Variants in SLC13A1 observed in about 807,000 individuals in gnomAD.
The protein encoded by SLC13A1 is Na(+)/sulfate cotransporter.
A neutral mutation model predicts 70.0 loss-of-function variants in SLC13A1; 65 were observed. The ratio of observed to expected loss-of-function variants is 0.93; its 90% CI spans 0.76 to 1.14. SLC13A1 has a LOEUF of 1.14. SLC13A1 is among the 50% of genes most tolerant of loss of function. SLC13A1 has a pLI of 0.00. For synonymous variants in SLC13A1, 275 were observed against 250.5 expected (o/e 1.10, Z -0.92); for missense variants, 726 against 717.8 (o/e 1.01, Z -0.13).
chr7:123,191,329 T>G (rs1795990172), intron 1 of SLC13A1, among the ~76,000 whole-genome samples: 1 of 152,170 alleles, frequency 6.6e-6, no homozygotes. Context: ...CTTCACAGGT[T>G]TGAGAAAACC....
At chr7:123,159,571 C>T (rs576630494) in intron 6 of SLC13A1, among the ~76,000 whole-genome samples, 1 of 152,112 alleles carries the variant, frequency 6.6e-6, no homozygotes, top group South Asian at 2.1e-4. Context: ...AGACACAGTT[C>T]TGTACTATTT....
intron 1 of SLC13A1, among the ~76,000 whole-genome samples, chr7:123,182,911 TG>T (rs1169247331): frequency 2.0e-5 from 3 of 152,174 alleles, no homozygotes; most frequent in East Asian, 3.9e-4. Flanking sequence ...ATCCTCATTT[TG>T]CATTCAAACC....
chr7:123,177,949 G>A (rs933588979), intron 2 of SLC13A1, among the ~76,000 whole-genome samples: 1 of 151,326 alleles, frequency 6.6e-6, no homozygotes, highest in Non-Finnish European at 1.5e-5. Context: ...TCCCTGGCAG[G>A]GTACTACCAT....
Position 123,196,907 on chromosome 7 carries a change from A to T in SLC13A1, c.99+2941T>A, listed in dbSNP as rs17145526. Among the ~76,000 whole-genome samples the T allele has an allele frequency of 9.1e-3, 1,379 of 152,224 alleles. 20 individuals carry two copies. The highest frequency in any genetic ancestry group is 0.031 in the African/African-American group (1,281 of 41,544). On this transcript the variant is annotated intron_variant, in intron 1 of 14. Transcript: ENST00000194130. The stretch of plus-strand genomic sequence containing the variant: ...TGAGTTCTGACAGGATCCAAGCTCA[A>T]ATTTACTTTCTAGAGCATGTAGATG...
rs1290852653 is a variant in SLC13A1 at position 123,168,511 on chromosome 7, C to A, written c.604G>T (p.Val202Phe). 6.2e-7 allele frequency: 1 copy of A among 1,610,546 alleles called. No individual in the cohort carries two copies. Among genetic ancestry groups the A allele is most frequent in the Admixed American group, 1.7e-5 (1 of 59,948 alleles). Residue 202 changes from valine to phenylalanine, a missense_variant, in exon 5 of 15, where the codon GTT becomes TTT. Transcript: ENST00000194130. ...AATGTCAGTATTCCTTACCCTGGAACTGGTTTTGTTTTCTCTTTCCTCTCA... is the reference window on the plus strand; with the variant it reads ...AATGTCAGTATTCCTTACCCTGGAAATGGTTTTGTTTTCTCTTTCCTCTCA... ...INERKEKTKP[V>F]PGYNNDTGKI...
rs765249029 is a variant in SLC13A1 at position 123,169,300 on chromosome 7, A to T, written c.401T>A (p.Leu134Ter). Residue 134 changes from leucine (L) to a stop codon, truncating the protein, a stop_gained, in exon 4 of 15, where the codon TTG (leucine) becomes TAG (stop). Transcript: ENST00000194130. LOFTEE classifies it high-confidence loss of function. ...CGAGGTGTTGCTGAGCCACATAGACAAAAAGGCAGTGCTGCTCATGAACCC... is the reference window on the plus strand; with the variant it reads ...CGAGGTGTTGCTGAGCCACATAGACTAAAAGGCAGTGCTGCTCATGAACCC... ...TLGFMSSTAF[L>*]SMWLSNTSTA... is the part of the protein sequence containing the mutation. The T allele has an allele frequency of 6.2e-7, 1 of 1,613,456 alleles. No individual in the cohort carries two copies.
At chr7:123,179,940 G>A (rs1278538746) in intron 2 of SLC13A1, among the ~76,000 whole-genome samples, 1 of 152,010 alleles carries the variant, frequency 6.6e-6, no homozygotes, top group Non-Finnish European at 1.5e-5. Flanking sequence ...AAGCCATATA[G>A]CATGTTTAAG....
intron 7 of SLC13A1, among the ~76,000 whole-genome samples, chr7:123,140,846 T>C (rs1236953956): frequency 1.3e-5 from 2 of 152,116 alleles, no homozygotes; most frequent in East Asian, 3.8e-4. Flanking sequence ...GATTTGCCAA[T>C]TTTGTTTAAC....
At chr7:123,130,983 C>G (rs1052594457) in intron 8 of SLC13A1, among the ~76,000 whole-genome samples, 6 of 152,072 alleles carry the variant, frequency 3.9e-5, no homozygotes. Flanking sequence ...AGAGGAAGAA[C>G]TAAATGAAAA....
intron 6 of SLC13A1, among the ~76,000 whole-genome samples, chr7:123,163,263 T>A (rs943952328): frequency 6.6e-6 from 1 of 152,078 alleles, no homozygotes; most frequent in Non-Finnish European, 1.5e-5. Flanking sequence ...CTTCTCCCAG[T>A]ATCTTTTCTT....
At position 123,171,808 on chromosome 7, in the gene SLC13A1, C is replaced by T. The variant is rs756775766; in HGVS notation, c.325G>A (p.Ala109Thr). Residue 109 changes from alanine to threonine, a missense_variant, in exon 3 of 15, where the codon GCT becomes ACT. Ala to Thr is a moderately conservative substitution (Grantham distance 58). Transcript: ENST00000194130. ...CCAACCATCATCACCATTTTCAGAG[C>T]AATTCTCTTGTGCAAATTCCATTTT... is the stretch of plus-strand genomic sequence containing the variant. The part of the protein sequence containing the change: ...IEKWNLHKRI[A>T]LKMVMMVGVN... 6.2e-7 allele frequency: 1 copy of T among 1,613,874 alleles called. No homozygotes were observed. The highest frequency in any genetic ancestry group is 8.5e-7 in the Non-Finnish European group (1 of 1,179,890).
In SLC13A1 at chr7:123,131,467, G is replaced by T. The variant is rs1300465525; in HGVS notation, c.933-1986C>A. The stretch of plus-strand genomic sequence containing the variant: ...CAAATTGGCATTGCTACAAATGAAG[G>T]TTAATGCCTTCACAAAGCTACTGAC... On this transcript the variant is annotated intron_variant, in intron 8 of 14. Transcript: ENST00000194130. Among the ~76,000 whole-genome samples, 4 of 152,220 alleles carry T rather than the reference G, an allele frequency of 2.6e-5. No homozygotes were observed. In the East Asian group the frequency reaches 7.7e-4, roughly 29 times the overall value.
At chr7:123,154,754 G>A (rs1794659867) in intron 6 of SLC13A1, among the ~76,000 whole-genome samples, 1 of 152,038 alleles carries the variant, frequency 6.6e-6, no homozygotes, top group South Asian at 2.1e-4. Flanking sequence ...CAAGTGATAG[G>A]ATACCTAATT....
chr7:123,199,893 G>GA lies in SLC13A1; in HGVS notation c.53dup (p.Thr19HisfsTer45). 1 of 1,613,088 alleles carries GA rather than the reference G, an allele frequency of 6.2e-7. No homozygotes were observed. The highest frequency in any genetic ancestry group is 1.7e-4 in the Middle Eastern group (1 of 6,052). On this transcript the variant is annotated frameshift_variant, in exon 1 of 15. Transcript: ENST00000194130. LOFTEE classifies it high-confidence loss of function. ...GCAGAGGTAGTAAAACCAACACAGT[G>GA]AAAACCACGAAGAGAAATCGGCGAT...
At chr7:123,130,439 T>C (rs549303358) in intron 8 of SLC13A1, among the ~76,000 whole-genome samples, 2 of 152,220 alleles carry the variant, frequency 1.3e-5, no homozygotes, top group African/African-American at 4.8e-5. Context: ...CTGGAATTCA[T>C]TATCCTCAGC....
chr7:123,119,337 C>T, intron 12 of SLC13A1, 95 bp from the exon 13 acceptor site: 1 of 896,510 alleles, frequency 1.1e-6, no homozygotes, highest in Non-Finnish European at 1.6e-6. Flanking sequence ...CCTTTGAAAA[C>T]TCACTTTCTA....
chr7:123,120,878 T>C (rs1164948358), intron 12 of SLC13A1, among the ~76,000 whole-genome samples: 1 of 152,042 alleles, frequency 6.6e-6, no homozygotes, highest in Non-Finnish European at 1.5e-5. Flanking sequence ...CTGTTTCCCC[T>C]ACCTGTAGGC....
At chr7:123,165,399 A>G (rs1349582071) in intron 6 of SLC13A1, among the ~76,000 whole-genome samples, 2 of 152,114 alleles carry the variant, frequency 1.3e-5, no homozygotes, top group Non-Finnish European at 2.9e-5. Context: ...CATCTCCGTT[A>G]TCTTTTCTCT....
At chr7:123,164,711 G>T (rs1480371625) in intron 6 of SLC13A1, among the ~76,000 whole-genome samples, 1 of 151,548 alleles carries the variant, frequency 6.6e-6, no homozygotes, top group Admixed American at 6.6e-5. Flanking sequence ...AACACTAAAT[G>T]CCCATATCAA....
Sources: gnomAD v4.1 joint callset for allele counts (sites outside exome capture counted in the v4.1 genomes callset) on GRCh38, gnomAD v4.1.1 for gene constraint, MANE v1.5 for transcripts, NCBI Gene and HGNC (gene_info 2026-07-23, HGNC 2026-07-21) for gene names.